The following ZNF385B variants were observed in gnomAD, a reference collection of about 807,000 sequenced individuals.
ZNF385B encodes zinc finger protein 385B.
In ZNF385B, 23 loss-of-function variants were observed where a neutral mutation model predicts 39.2. That is an observed-to-expected ratio of 0.59 (90% CI 0.42 to 0.83). The LOEUF (loss-of-function observed/expected upper bound fraction) is 0.83, where lower values mean the gene tolerates loss of function less well. Ranked by LOEUF, ZNF385B falls within the 40% of genes least tolerant of loss-of-function variation. The pLI is 0.00. For missense variants in ZNF385B, 552 were observed against 598.9 expected (o/e 0.92, Z 0.82); for synonymous variants, 205 against 222.6 (o/e 0.92, Z 0.70).
chr2:179,663,436 C>T (rs1694726716), intron 3 of ZNF385B, among the ~76,000 whole-genome samples: 2 of 152,108 alleles, frequency 1.3e-5, no homozygotes, highest in African/African-American at 2.4e-5. Context: ...GAACGCTAGG[C>T]GCGGTGGCTC....
Position 179,853,371 on chromosome 2 carries a change from T to C in ZNF385B, c.-155+7730A>G, listed in dbSNP as rs754121965. Among the ~76,000 whole-genome samples, 8 of 152,330 alleles carry C rather than the reference T, an allele frequency of 5.3e-5. No individual in the cohort carries two copies. The East Asian group carries it at 5.8e-4, about 11-fold the overall frequency. ...ATGTGTATCAAGTTCAGAAAGCATA[T>C]TCATTCACAAGAAGCTATGTGTTAA... On this transcript the variant is annotated intron_variant, in intron 1 of 9. Coordinates refer to ENST00000410066, the MANE Select transcript of ZNF385B (RefSeq NM_152520.6).
intron 6 of ZNF385B, among the ~76,000 whole-genome samples, chr2:179,461,243 G>A (rs2051309264): frequency 6.6e-6 from 1 of 152,138 alleles, no homozygotes; most frequent in African/African-American, 2.4e-5. Flanking sequence ...GTAGGGGAGA[G>A]AGATGATCTG....
chr2:179,443,514 G>T, intron 9 of ZNF385B, 46 bp from the exon 10 acceptor site: 1 of 1,419,404 alleles, frequency 7.0e-7, no homozygotes, highest in Non-Finnish European at 9.8e-7. Flanking sequence ...TCCTGTTTTT[G>T]AATAACAGCA....
chr2:179,689,348 T>C (rs893266731), intron 3 of ZNF385B, among the ~76,000 whole-genome samples: 1 of 152,186 alleles, frequency 6.6e-6, no homozygotes, highest in African/African-American at 2.4e-5. Flanking sequence ...AGCATATGCA[T>C]ATGCATCTCT....
rs962848965 is a variant in ZNF385B, at chr2:179,751,767, C to T, written c.298+17736G>A. Among the ~76,000 whole-genome samples, 6 of 151,996 alleles carry T rather than the reference C, an allele frequency of 3.9e-5. No homozygotes were observed. In the East Asian group the frequency reaches 1.2e-3, roughly 29 times the overall value. On this transcript the variant is annotated intron_variant, in intron 3 of 9. Transcript: ENST00000410066. ...ACACTCCAACTGACAACCCATTTTC[C>T]AATCCTGCTGTCCATTCCCACATCC...
chr2:179,544,774 G>A, intron 4 of ZNF385B, 53 bp downstream of exon 4: 4 of 1,605,806 alleles, frequency 2.5e-6, no homozygotes, highest in Non-Finnish European at 3.4e-6. Context: ...ATTCACAAAT[G>A]TAATGAAATT....
intron 3 of ZNF385B, among the ~76,000 whole-genome samples, chr2:179,758,390 C>A (rs1703175186): frequency 6.6e-6 from 1 of 152,196 alleles, no homozygotes; most frequent in Admixed American, 6.5e-5. Context: ...AGGAAACCAA[C>A]ACTGTGTCCT....
chr2:179,646,624 A>G (rs1188158452), intron 3 of ZNF385B, among the ~76,000 whole-genome samples: 2 of 151,514 alleles, frequency 1.3e-5, no homozygotes, highest in African/African-American at 4.9e-5. Flanking sequence ...TAAAACCTTC[A>G]GGTTCTCTGA....
intron 3 of ZNF385B, among the ~76,000 whole-genome samples, chr2:179,744,569 C>T (rs1235147468): frequency 1.3e-5 from 2 of 152,102 alleles, no homozygotes; most frequent in Non-Finnish European, 2.9e-5. Context: ...TCTGCTTAGC[C>T]AAGCTTTACG....
At chr2:179,807,275 TA>T (rs1427789783) in intron 1 of ZNF385B, among the ~76,000 whole-genome samples, 1 of 152,186 alleles carries the variant, frequency 6.6e-6, no homozygotes, top group African/African-American at 2.4e-5. Context: ...AGATAAATCC[TA>T]AAATTATAAT....
chr2:179,589,108 TAAATAATA>T (rs1335043804), intron 3 of ZNF385B, among the ~76,000 whole-genome samples: 1 of 152,188 alleles, frequency 6.6e-6, no homozygotes, highest in East Asian at 1.9e-4. Flanking sequence ...AAAGAAGCAT[TAAATAATA>T]ATCATACCCA....
chr2:179,481,079 TC>T (rs961927660), intron 6 of ZNF385B: 2 of 152,160 alleles, frequency 1.3e-5, no homozygotes, highest in Admixed American at 6.5e-5. Context: ...TGTTTTCCTC[TC>T]TCCTGGGTTT....
intron 3 of ZNF385B, among the ~76,000 whole-genome samples, chr2:179,742,976 T>C (rs997512604): frequency 2.0e-5 from 3 of 152,066 alleles, no homozygotes; most frequent in Non-Finnish European, 2.9e-5. Context: ...AAATTGCTAC[T>C]AAGACTTCAG....
chr2:179,787,179 A>G (rs1230734733), intron 1 of ZNF385B, among the ~76,000 whole-genome samples: 2 of 151,980 alleles, frequency 1.3e-5, no homozygotes, highest in African/African-American at 4.8e-5. Flanking sequence ...TATCCCATTT[A>G]TCTTTAATTT....
intron 3 of ZNF385B, among the ~76,000 whole-genome samples, chr2:179,586,224 T>C (rs551216346): frequency 6.6e-6 from 1 of 152,302 alleles, no homozygotes; most frequent in East Asian, 1.9e-4. Flanking sequence ...TAAACCCAGA[T>C]AGGATTGACA....
At chr2:179,487,572 C>T (rs2054715092) in intron 5 of ZNF385B, among the ~76,000 whole-genome samples, 1 of 152,196 alleles carries the variant, frequency 6.6e-6, no homozygotes, top group Non-Finnish European at 1.5e-5. Flanking sequence ...GAAACAAGGA[C>T]AGGAGCCAGA....
intron 3 of ZNF385B, among the ~76,000 whole-genome samples, chr2:179,570,419 G>A (rs1045456693): frequency 5.9e-5 from 9 of 152,182 alleles, no homozygotes; most frequent in African/African-American, 2.2e-4. Flanking sequence ...TGTAGCCTTA[G>A]AGCCAGACCC....
intron 5 of ZNF385B, among the ~76,000 whole-genome samples, chr2:179,496,836 G>A (rs1400555555): frequency 6.6e-6 from 1 of 152,182 alleles, no homozygotes; most frequent in Non-Finnish European, 1.5e-5. Context: ...ATCACTTGAG[G>A]CCAGGTGTTC....
intron 3 of ZNF385B, among the ~76,000 whole-genome samples, chr2:179,651,042 C>A (rs1693151495): frequency 6.6e-6 from 1 of 152,136 alleles, no homozygotes; most frequent in Admixed American, 6.6e-5. Context: ...GAAGAAAGGA[C>A]ATGACTTACC....
Sources: gnomAD v4.1 joint callset for allele counts (sites outside exome capture counted in the v4.1 genomes callset) on GRCh38, gnomAD v4.1.1 for gene constraint, MANE v1.5 for transcripts, NCBI Gene and HGNC (gene_info 2026-07-23, HGNC 2026-07-21) for gene names.